NMNAT2: variants seen among roughly 807,000 people sequenced by gnomAD.
NMNAT2 encodes nicotinamide/nicotinic acid mononucleotide adenylyltransferase 2.
Under a neutral mutation model 41.6 loss-of-function variants are expected in NMNAT2, and 11 were observed. That is an observed-to-expected ratio of 0.26 (90% CI 0.17 to 0.44). NMNAT2 has a LOEUF of 0.44. Ranked by LOEUF, NMNAT2 falls within the 20% of genes least tolerant of loss-of-function variation. The probability of loss-of-function intolerance (pLI) is 1.00; values close to 1 mark genes in which losing one functional copy is unlikely to be tolerated. For synonymous variants in NMNAT2, 148 were observed against 151.2 expected, an observed-to-expected ratio of 0.98 and a Z score of 0.16; for missense variants, 288 against 407.7, an observed-to-expected ratio of 0.71 and a Z score of 2.53.
At chr1:183,273,748 CT>C (rs1461788483) in intron 8 of NMNAT2, among the ~76,000 whole-genome samples, 4 of 151,852 alleles carry the variant, frequency 2.6e-5, no homozygotes, top group Non-Finnish European at 5.9e-5. Flanking sequence ...CTTTTTCTCT[CT>C]TTTTTCCCTC....
chr1:183,261,291 C>A lies in NMNAT2; in HGVS notation c.664G>T (p.Val222Phe). The A allele has an allele frequency of 6.2e-7, 1 of 1,613,502 alleles. No homozygotes were observed. Among genetic ancestry groups the A allele is most frequent in the Non-Finnish European group, 8.5e-7 (1 of 1,179,976 alleles). Residue 222 changes from valine (V) to phenylalanine (F), a missense_variant, in exon 9 of 11, where the codon GTT becomes TTT. This residue lies in a region of NMNAT2 where 181 missense variants were observed against 213.7 expected (regional missense o/e 0.85). Transcript: ENST00000287713. ...ACCACCACAATCCCAAAGTCACCAACAATCACCTCCATCTAAAGAAACAGA... is the reference window on the plus strand; with the variant it reads ...ACCACCACAATCCCAAAGTCACCAAAAATCACCTCCATCTAAAGAAACAGA... ...LWNEADMEVIVGDFGIVVVPR... is the reference protein window; with the variant it reads ...LWNEADMEVIFGDFGIVVVPR...
chr1:183,256,716 A>C (rs1419887599), intron 10 of NMNAT2, among the ~76,000 whole-genome samples: 2 of 152,208 alleles, frequency 1.3e-5, no homozygotes, highest in African/African-American at 4.8e-5. Context: ...TTTATTGAGG[A>C]CTTTTACATC....
At position 183,361,132 on chromosome 1, in the gene NMNAT2, G is replaced by A. The variant is rs145290873; in HGVS notation, c.85+57051C>T. Among the ~76,000 whole-genome samples, 60 of 152,292 alleles carry A rather than the reference G, an allele frequency of 3.9e-4. 2 individuals are homozygous for A. The East Asian group carries it at 0.011, about 27-fold the overall frequency. ...CAATACATGCCAATCACTGTTGTAAGCATTCTTGCATACATACACTTATTA... is the reference window on the plus strand; with the variant it reads ...CAATACATGCCAATCACTGTTGTAAACATTCTTGCATACATACACTTATTA... On this transcript the variant is annotated intron_variant, in intron 1 of 10. Transcript: ENST00000287713.
intron 1 of NMNAT2, among the ~76,000 whole-genome samples, chr1:183,388,335 T>C (rs1648322014): frequency 6.6e-6 from 1 of 152,336 alleles, no homozygotes; most frequent in Admixed American, 6.5e-5. Context: ...TGTAGCAAAC[T>C]GGGGGCAGAG....
At chr1:183,360,308 G>C (rs1206391308) in intron 1 of NMNAT2, among the ~76,000 whole-genome samples, 1 of 152,002 alleles carries the variant, frequency 6.6e-6, no homozygotes, top group Non-Finnish European at 1.5e-5. Context: ...GGAAAACTTA[G>C]ACTGGGCAAG....
At chr1:183,309,282 G>A (rs1307750124) in intron 1 of NMNAT2, among the ~76,000 whole-genome samples, 1 of 152,216 alleles carries the variant, frequency 6.6e-6, no homozygotes, top group Admixed American at 6.5e-5. Context: ...TTATAGGCAT[G>A]AGCCACTGTG....
intron 1 of NMNAT2, among the ~76,000 whole-genome samples, chr1:183,412,097 C>G (rs1268294207): frequency 6.6e-6 from 1 of 152,198 alleles, no homozygotes; most frequent in Non-Finnish European, 1.5e-5. Flanking sequence ...ATCATGGAGG[C>G]CTGTAGGCCA....
At chr1:183,337,990 T>A (rs1014594603) in intron 1 of NMNAT2, among the ~76,000 whole-genome samples, 1 of 152,078 alleles carries the variant, frequency 6.6e-6, no homozygotes, top group African/African-American at 2.4e-5. Flanking sequence ...TCTCTTATTA[T>A]TGATTTCAAA....
intron 1 of NMNAT2, among the ~76,000 whole-genome samples, chr1:183,351,312 A>G (rs1663042028): frequency 6.6e-6 from 1 of 152,244 alleles, no homozygotes; most frequent in African/African-American, 2.4e-5. Flanking sequence ...TCCCCTTACA[A>G]TTCTTCATAT....
intron 7 of NMNAT2, among the ~76,000 whole-genome samples, chr1:183,279,822 C>A (rs1281935371): frequency 6.6e-6 from 1 of 152,234 alleles, no homozygotes; most frequent in Non-Finnish European, 1.5e-5. Flanking sequence ...AATATTCCTG[C>A]ATCCTGTCTT....
chr1:183,386,756 A>C (rs879336738), intron 1 of NMNAT2, among the ~76,000 whole-genome samples: 1 of 152,164 alleles, frequency 6.6e-6, no homozygotes, highest in Admixed American at 6.5e-5. Context: ...AAGCAGTATA[A>C]TATATAGTTA....
At position 183,418,253 on chromosome 1, in the gene NMNAT2, G is replaced by A. The variant is rs1421806887; in HGVS notation, c.15C>T (p.Thr5=). Residue 5 remains threonine (T), a synonymous_variant, in exon 1 of 11, where the codon ACC becomes ACT. Transcript: ENST00000287713. MTET[T]KTHVILLACG... is the part of the protein sequence containing the mutation. Reference sequence around the variant, plus strand: ...AGGCGAGCAAGATAACGTGGGTCTTGGTGGTCTCGGTCATGGTGCAGATGG... The same window carrying A: ...AGGCGAGCAAGATAACGTGGGTCTTAGTGGTCTCGGTCATGGTGCAGATGG... The A allele has an allele frequency of 1.2e-6, 2 of 1,614,120 alleles. No individual in the cohort carries two copies. Among genetic ancestry groups the A allele is most frequent in the Non-Finnish European group, 1.7e-6 (2 of 1,180,010 alleles).
intron 1 of NMNAT2, among the ~76,000 whole-genome samples, chr1:183,370,613 T>C (rs1663514784): frequency 1.3e-5 from 2 of 152,196 alleles, no homozygotes; most frequent in Admixed American, 1.3e-4. Context: ...CCATATCAGG[T>C]GTGCTCGGGC....
intron 1 of NMNAT2, among the ~76,000 whole-genome samples, chr1:183,337,041 A>G (rs1025879684): frequency 3.3e-5 from 5 of 152,198 alleles, no homozygotes; most frequent in African/African-American, 9.7e-5. Context: ...TACAGGGAAT[A>G]AGGACTGCCT....
chr1:183,418,374 G>A lies in NMNAT2; in HGVS notation c.-107C>T. ...GCGAGGCTCCGGCGGTGGATGCTGT[G>A]GACTCCAAGGAGCCGCTCCAGACGC... On this transcript the variant is annotated 5_prime_UTR_variant, in exon 1 of 11. Coordinates refer to ENST00000287713, the MANE Select transcript of NMNAT2 (RefSeq NM_015039.4). 9.4e-7 allele frequency: 1 copy of A among 1,063,406 alleles called. No individual in the cohort carries two copies. The highest frequency in any genetic ancestry group is 1.4e-6 in the Non-Finnish European group (1 of 694,532). 65.9% of individuals were successfully genotyped at this position (1,063,406 alleles called of 1,614,324 possible).
intron 3 of NMNAT2, among the ~76,000 whole-genome samples, chr1:183,291,567 G>T (rs879170981): frequency 2.0e-5 from 3 of 152,168 alleles, no homozygotes; most frequent in Admixed American, 2.0e-4. Flanking sequence ...GCCCAGGGAA[G>T]GTGGTAGGCA....
intron 1 of NMNAT2, among the ~76,000 whole-genome samples, chr1:183,347,318 T>G (rs1662952236): frequency 6.6e-6 from 1 of 152,068 alleles, no homozygotes; most frequent in South Asian, 2.1e-4. Flanking sequence ...TAGCTGGGCA[T>G]GGTGGTGCAT....
At chr1:183,328,982 G>A (rs895010905) in intron 1 of NMNAT2, among the ~76,000 whole-genome samples, 9 of 152,176 alleles carry the variant, frequency 5.9e-5, no homozygotes, top group African/African-American at 2.2e-4. Flanking sequence ...GGTAGCAGAG[G>A]TAGCAGAGGT....
At chr1:183,284,139 G>T in intron 6 of NMNAT2, 100 bp from the exon 7 acceptor site, 7 of 962,386 alleles carry the variant, frequency 7.3e-6, no homozygotes, top group East Asian at 2.5e-5. Flanking sequence ...TTGGGATGGG[G>T]TGGGGTGGGT....
Sources: gnomAD v4.1 joint callset for allele counts (sites outside exome capture counted in the v4.1 genomes callset) on GRCh38, gnomAD v4.1.1 for gene constraint, gnomAD v4.1.1 regional missense constraint, MANE v1.5 for transcripts, NCBI Gene and HGNC (gene_info 2026-07-23, HGNC 2026-07-21) for gene names.